MACF1: variants seen among roughly 807,000 people sequenced by gnomAD.
The protein encoded by MACF1 is microtubule actin crosslinking factor 1, also known as microtubule-actin cross-linking factor 1.
Under a neutral mutation model 854.8 loss-of-function variants are expected in MACF1, and 193 were observed. That is an observed-to-expected ratio of 0.23 (90% CI 0.20 to 0.25). The LOEUF (loss-of-function observed/expected upper bound fraction) is 0.25. Ranked by LOEUF, MACF1 falls within the 10% of genes least tolerant of loss-of-function variation. The probability of loss-of-function intolerance (pLI) is 1.00; values close to 1 mark genes in which losing one functional copy is unlikely to be tolerated. For missense variants in MACF1, 7,722 were observed against 8,929.1 expected, an observed-to-expected ratio of 0.86 and a Z score of 5.45; for synonymous variants, 3,185 against 3,226.7, an observed-to-expected ratio of 0.99 and a Z score of 0.44.
At chr1:39,299,389 T>C in intron 21 of MACF1, 1 of 398,786 alleles carries the variant, frequency 2.5e-6, no homozygotes, top group Non-Finnish European at 4.9e-6. Flanking sequence ...CTGGGGAGAC[T>C]TTTATACCTC....
intron 2 of MACF1, among the ~76,000 whole-genome samples, chr1:39,134,230 T>C (rs1643100221): frequency 6.6e-6 from 1 of 150,560 alleles, no homozygotes; most frequent in Non-Finnish European, 1.5e-5. Flanking sequence ...GTATTTTTAG[T>C]AGAGACGGGG....
chr1:39,322,182 A>G (rs2148454209), intron 31 of MACF1, among the ~76,000 whole-genome samples: 1 of 152,328 alleles, frequency 6.6e-6, no homozygotes, highest in South Asian at 2.1e-4. Context: ...CACTTTCCCC[A>G]CAGGTGAGAT....
At chr1:39,390,080 C>T (rs1015172394) in intron 58 of MACF1, among the ~76,000 whole-genome samples, 4 of 152,324 alleles carry the variant, frequency 2.6e-5, no homozygotes, top group South Asian at 2.1e-4. Context: ...GATCTTGGTT[C>T]TCACTATATT....
intron 23 of MACF1, chr1:39,304,602 C>A: frequency 4.5e-6 from 3 of 669,748 alleles, no homozygotes; most frequent in South Asian, 3.3e-5. Context: ...CTTGCTCTGT[C>A]GCTCAGGCTG....
chr1:39,087,969 C>CT (rs1044564520), intron 2 of MACF1, among the ~76,000 whole-genome samples: 49 of 137,900 alleles, frequency 3.6e-4, no homozygotes, highest in South Asian at 1.2e-3. Context: ...GATGGGGTTT[C>CT]TTTTTTTTTT....
At chr1:39,236,723 G>A (rs1166742311) in intron 2 of MACF1, among the ~76,000 whole-genome samples, 4 of 152,010 alleles carry the variant, frequency 2.6e-5, no homozygotes, top group African/African-American at 9.7e-5. Flanking sequence ...GTGCAGTGGC[G>A]CAATCTCAGC....
At chr1:39,451,296 G>A (rs1377431678) in intron 85 of MACF1, 85 bp downstream of exon 85, 15 of 1,332,482 alleles carry the variant, frequency 1.1e-5, no homozygotes, top group Non-Finnish European at 1.5e-5. Flanking sequence ...GACTGCCTCT[G>A]CCCTTCTTTC....
chr1:39,114,976 A>G (rs1222967879), intron 2 of MACF1, among the ~76,000 whole-genome samples: 1 of 152,140 alleles, frequency 6.6e-6, no homozygotes, highest in Non-Finnish European at 1.5e-5. Context: ...CAAGCTTGAG[A>G]GGGGGAATAT....
At chr1:39,330,677 C>T (rs1646705654) in intron 36 of MACF1, among the ~76,000 whole-genome samples, 1 of 152,116 alleles carries the variant, frequency 6.6e-6, no homozygotes, top group Non-Finnish European at 1.5e-5. Context: ...ATTAAACATT[C>T]TGCAGTTTAG....
At chr1:39,313,870 C>T (rs1273084905) in intron 26 of MACF1, among the ~76,000 whole-genome samples, 2 of 152,110 alleles carry the variant, frequency 1.3e-5, no homozygotes, top group Non-Finnish European at 2.9e-5. Context: ...CTGCCTCAGC[C>T]TCCCAAAAGT....
intron 59 of MACF1, 40 bp downstream of exon 59, chr1:39,422,575 G>A (rs749091936): frequency 5.1e-5 from 80 of 1,571,394 alleles, no homozygotes; most frequent in South Asian, 9.4e-5. Context: ...GGAAACGGAA[G>A]GCATAGAAAA....
chr1:39,410,127 G>A, intron 58 of MACF1: 1 of 591,686 alleles, frequency 1.7e-6, no homozygotes, highest in Admixed American at 3.4e-5. Context: ...GAACTTCCAG[G>A]CCTTTCTGGA....
chr1:39,193,817 A>C (rs1644284983), intron 2 of MACF1, among the ~76,000 whole-genome samples: 1 of 151,942 alleles, frequency 6.6e-6, no homozygotes, highest in Admixed American at 6.6e-5. Context: ...AGAGGCAGGC[A>C]CTTGGGTTTA....
In MACF1 at chr1:39,310,326, C is replaced by T. The variant is rs1396818294; in HGVS notation, c.2998C>T (p.Arg1000Cys). 1.9e-6 allele frequency: 3 copies of T among 1,614,052 alleles called. No individual in the cohort carries two copies. The highest frequency in any genetic ancestry group is 2.2e-5 in the South Asian group (2 of 91,056). The change falls in exon 25 of 101, where the codon CGT becomes TGT. Residue 1000 changes from arginine (R) to cysteine (C), a missense_variant. Physicochemically the swap from Arg to Cys is radical, Grantham distance 180. This residue lies in a region of MACF1 where 1,137 missense variants were observed against 1,263.0 expected (regional missense o/e 0.90). Transcript: ENST00000564288. ...CTATGAAGACTTTCTGCAGGATAGTCGTGACTCTGTGCTGTTCTCAGTGGC... is the reference window on the plus strand; with the variant it reads ...CTATGAAGACTTTCTGCAGGATAGTTGTGACTCTGTGCTGTTCTCAGTGGC... ...AHYEDFLQDS[R>C]DSVLFSVADR...
At chr1:39,202,873 T>G (rs778157363), upstream of MACF1, among the ~76,000 whole-genome samples, 3 of 152,198 alleles carry the variant, frequency 2.0e-5, no homozygotes, top group Non-Finnish European at 4.4e-5. Context: ...AAATATTTGA[T>G]GAATGAAATG....
chr1:39,360,015 ATATAT>A (rs1557608887), intron 47 of MACF1, among the ~76,000 whole-genome samples: 30 of 31,936 alleles, frequency 9.4e-4, no homozygotes, highest in African/African-American at 1.4e-3. Flanking sequence ...AAAAAAAAAT[ATATAT>A]ATATATATAT....
At chr1:39,171,278 A>C (rs1643945514) in intron 2 of MACF1, among the ~76,000 whole-genome samples, 1 of 152,030 alleles carries the variant, frequency 6.6e-6, no homozygotes, top group Non-Finnish European at 1.5e-5. Flanking sequence ...GGTAAAATAC[A>C]CATGACAAAA....
rs1557636830 is a variant in MACF1 at position 39,409,562 on chromosome 1, C to T, written c.15817-12812C>T. 1.3e-5 allele frequency: 2 copies of T among 152,352 alleles called. No individual in the cohort carries two copies. The highest frequency in any genetic ancestry group is 2.9e-5 in the Non-Finnish European group (2 of 68,138). The allele number at this position is 152,352 out of a possible 1,614,324, so 9.4% of individuals were successfully genotyped here. A position where few individuals can be genotyped will look rare whatever the true frequency, so the allele number is the denominator to read the frequency against. ...TTTCCGAAGGCCTGGCGCGGGGCTC[C>T]GCTCGCCTTGTTTTGCAGCTACAGC... On this transcript the variant is annotated intron_variant, in intron 58 of 100. Transcript: ENST00000564288. The surrounding 1 kb of genome is among the most constrained non-coding windows in gnomAD (Gnocchi z 4.2).
At chr1:39,441,875 A>T in intron 74 of MACF1, 77 bp from the exon 75 acceptor site, 1 of 1,051,716 alleles carries the variant, frequency 9.5e-7, no homozygotes, top group Non-Finnish European at 1.5e-6. Context: ...ATGTCTTCTT[A>T]TGTTAGCAGA....
Sources: gnomAD v4.1 joint callset for allele counts (sites outside exome capture counted in the v4.1 genomes callset) on GRCh38, gnomAD v4.1.1 for gene constraint, gnomAD v4.1.1 regional missense constraint, Gnocchi (gnomAD v3.1) non-coding constraint, MANE v1.5 for transcripts, NCBI Gene and HGNC (gene_info 2026-07-23, HGNC 2026-07-21) for gene names.